Variants in DNAAF4 observed in about 807,000 individuals in gnomAD.
The protein encoded by DNAAF4 is dynein assembly factor 4, axonemal.
DNAAF4 carries 43 observed loss-of-function variants against 51.8 expected under a neutral mutation model. The observed-to-expected ratio is 0.83, with a 90% CI of 0.65 to 1.07. The LOEUF (loss-of-function observed/expected upper bound fraction) is 1.07, where lower values mean the gene tolerates loss of function less well. Among genes scored for constraint, DNAAF4 ranks in the 50% least tolerant of loss-of-function variants. DNAAF4 has a pLI of 0.00. For synonymous variants in DNAAF4, 194 were observed against 165.6 expected, an observed-to-expected ratio of 1.17 and a Z score of -1.32; for missense variants, 581 against 493.0, an observed-to-expected ratio of 1.18 and a Z score of -1.69.
At chr15:55,491,372 G>T in intron 3 of DNAAF4, 116 bp from the exon 4 acceptor site, 3 of 1,043,244 alleles carry the variant, frequency 2.9e-6, no homozygotes, top group South Asian at 1.7e-5. Context: ...ACTTCACAAG[G>T]AACATGGAAA....
chr15:55,439,973 T>C (rs1486512954), intron 6 of DNAAF4, among the ~76,000 whole-genome samples: 2 of 152,156 alleles, frequency 1.3e-5, no homozygotes, highest in African/African-American at 4.8e-5. Flanking sequence ...TCCAGAACTA[T>C]AAGAAATGAC....
At chr15:55,496,276 A>G (rs1306446282) in intron 3 of DNAAF4, among the ~76,000 whole-genome samples, 1 of 152,200 alleles carries the variant, frequency 6.6e-6, no homozygotes, top group African/African-American at 2.4e-5. Context: ...TTGGCTGCAC[A>G]TTATAATTCC....
chr15:55,433,406 T>C (rs1022452982), intron 8 of DNAAF4, among the ~76,000 whole-genome samples: 2 of 151,914 alleles, frequency 1.3e-5, no homozygotes, highest in African/African-American at 4.8e-5. Context: ...GCGGGCGGAT[T>C]ACGAAGTCAG....
rs569845187 is a variant in DNAAF4, at chr15:55,460,644, G to A, written c.637+6286C>T. ...TTTAAACTATATCCTAGAACAAATG[G>A]ACTTAATAGATATTTACAGAATATT... On this transcript the variant is annotated intron_variant, in intron 5 of 9. Transcript: ENST00000321149. 8.5e-5 allele frequency among the ~76,000 whole-genome samples: 13 copies of A among 152,060 alleles called. No individual in the cohort carries two copies. In the East Asian group the frequency reaches 2.5e-3, roughly 29 times the overall value.
chr15:55,467,147 CTCT>C lies in DNAAF4; in HGVS notation c.417_419del (p.Glu140del), dbSNP rs1295929785. 14 of 1,539,780 alleles carry C rather than the reference CTCT, an allele frequency of 9.1e-6. No individual in the cohort carries two copies. Among genetic ancestry groups the C allele is most frequent in the African/African-American group, 4.2e-5 (3 of 70,956 alleles). ...CTTTCATATCTTCTATTTTTTTCCT[CTCT>C]TCTTCTTCAATCTATAACAATTGCA... On this transcript the variant is annotated inframe_deletion, in exon 5 of 10. Transcript: ENST00000321149.
At chr15:55,424,926 C>T (rs528819314) in intron 7 of DNAAF4, among the ~76,000 whole-genome samples, 8 of 151,550 alleles carry the variant, frequency 5.3e-5, no homozygotes, top group African/African-American at 7.3e-5. Context: ...AGTGCAATGG[C>T]GCATTCTCGG....
At chr15:55,454,916 G>C (rs1265330393) in intron 5 of DNAAF4, among the ~76,000 whole-genome samples, 1 of 151,828 alleles carries the variant, frequency 6.6e-6, no homozygotes, top group East Asian at 1.9e-4. Flanking sequence ...ACTTCATCCT[G>C]GGTGACAGGG....
rs143077261 is a variant in DNAAF4 at position 55,451,255 on chromosome 15, C to T, written c.638-888G>A. On this transcript the variant is annotated intron_variant, in intron 5 of 9. Coordinates refer to ENST00000321149, the MANE Select transcript of DNAAF4 (RefSeq NM_130810.4). ...CCAGGATGGCCTTGTAGAACACAGT[C>T]GTTGAGCACTGTTGCATAACAAAGT... 4.2e-3 allele frequency among the ~76,000 whole-genome samples: 634 copies of T among 152,294 alleles called. 7 individuals are homozygous for T. The highest frequency in any genetic ancestry group is 0.014 in the African/African-American group (589 of 41,568).
chr15:55,439,620 C>T, intron 6 of DNAAF4, 39 bp from the exon 7 acceptor site: 1 of 1,551,278 alleles, frequency 6.4e-7, no homozygotes, highest in Non-Finnish European at 8.8e-7. Context: ...ATAAAAAGGT[C>T]TTTTTTTAAT....
chr15:55,453,411 T>C (rs1218073878), intron 5 of DNAAF4, among the ~76,000 whole-genome samples: 2 of 151,944 alleles, frequency 1.3e-5, no homozygotes, highest in East Asian at 3.9e-4. Context: ...CCCAAGACTT[T>C]GAAATAGCAC....
At chr15:55,433,970 T>A (rs1437267014) in intron 8 of DNAAF4, among the ~76,000 whole-genome samples, 175 of 5,802 alleles carry the variant, frequency 0.03, 6 homozygotes, top group African/African-American at 0.085. Context: ...TATAATATAT[T>A]TTATATATTA....
chr15:55,438,537 T>C (rs1472599371), intron 7 of DNAAF4, among the ~76,000 whole-genome samples: 1 of 152,018 alleles, frequency 6.6e-6, no homozygotes, highest in African/African-American at 2.4e-5. Flanking sequence ...ATCCCAGCAC[T>C]TTGGGAGACT....
At chr15:55,457,209 G>A (rs2058033278) in intron 5 of DNAAF4, among the ~76,000 whole-genome samples, 1 of 152,176 alleles carries the variant, frequency 6.6e-6, no homozygotes. Context: ...ACGCAGTGCG[G>A]TTGGGGTGGC....
intron 1 of DNAAF4, among the ~76,000 whole-genome samples, chr15:55,507,150 C>G (rs1254404558): frequency 6.6e-6 from 1 of 152,092 alleles, no homozygotes; most frequent in Non-Finnish European, 1.5e-5. Flanking sequence ...CATGCCTGGC[C>G]TTTATAAAAC....
At chr15:55,493,349 G>C (rs151261999) in intron 3 of DNAAF4, among the ~76,000 whole-genome samples, 2,088 of 152,312 alleles carry the variant, frequency 0.014, 36 homozygotes, top group African/African-American at 0.04. Context: ...ATATCAGTTA[G>C]AGGTAAGTAA....
intron 7 of DNAAF4, among the ~76,000 whole-genome samples, chr15:55,420,131 A>G (rs2057376105): frequency 6.6e-6 from 1 of 152,228 alleles, no homozygotes; most frequent in Non-Finnish European, 1.5e-5. Flanking sequence ...GCTCAAATTG[A>G]GACCAGAGAG....
In DNAAF4 at chr15:55,446,300, G is replaced by GGC. The variant is rs1555415279; in HGVS notation, c.783+3921_783+3922insGC. Among the ~76,000 whole-genome samples the GGC allele has an allele frequency of 1.9e-5, 2 of 104,434 alleles. 1 individual carries two copies. The highest frequency in any genetic ancestry group is 8.5e-5 in the African/African-American group (2 of 23,538). The allele number at this position is 104,434 out of a possible 152,430, so 68.5% of individuals were successfully genotyped here. On this transcript the variant is annotated intron_variant, in intron 6 of 9. Transcript: ENST00000321149. ...AGGCGCTCCTCACATCCCAGACGGG[G>GGC]GGGGGGGGCAGCTGGGCAGAGGCAC...
intron 6 of DNAAF4, 115 bp from the exon 7 acceptor site, chr15:55,439,696 GTGTT>G: frequency 1.2e-6 from 1 of 847,952 alleles, no homozygotes; most frequent in Non-Finnish European, 1.8e-6. Context: ...TATGCACTGA[GTGTT>G]TGTGTCTTCT....
chr15:55,449,471 T>A (rs2057897525), intron 6 of DNAAF4, among the ~76,000 whole-genome samples: 1 of 149,050 alleles, frequency 6.7e-6, no homozygotes, highest in Non-Finnish European at 1.5e-5. Context: ...GAGACCAGCC[T>A]GACCAACATG....
Sources: allele counts gnomAD v4.1 joint callset (sites outside exome capture counted in the v4.1 genomes callset), GRCh38; gene constraint gnomAD v4.1.1; transcripts MANE v1.5; gene names NCBI Gene and HGNC (gene_info 2026-07-23, HGNC 2026-07-21).